MAST4: variants seen among roughly 807,000 people sequenced by gnomAD.
MAST4 encodes the protein microtubule-associated serine/threonine-protein kinase 4.
MAST4 carries 89 observed loss-of-function variants against 162.7 expected under a neutral mutation model. The observed-to-expected ratio is 0.55, with a 90% CI of 0.46 to 0.65. MAST4 has a LOEUF of 0.65. MAST4 is among the 30% of genes least tolerant of loss of function. The probability of loss-of-function intolerance (pLI) is 0.00; values close to 1 mark genes in which losing one functional copy is unlikely to be tolerated. For missense variants in MAST4, 3,153 were observed against 3,374.0 expected (o/e 0.93, Z 1.62); for synonymous variants, 1,479 against 1,361.1 (o/e 1.09, Z -1.91).
At chr5:66,693,476 G>GT (rs1436894704) in intron 1 of MAST4, among the ~76,000 whole-genome samples, 1 of 152,106 alleles carries the variant, frequency 6.6e-6, no homozygotes, top group East Asian at 1.9e-4. Context: ...TGTGTGTTTT[G>GT]TTTTCACTTC....
chr5:66,868,104 C>A (rs1760660325), intron 3 of MAST4, among the ~76,000 whole-genome samples: 1 of 152,104 alleles, frequency 6.6e-6, no homozygotes, highest in Non-Finnish European at 1.5e-5. Context: ...CTTATGAGAG[C>A]CCTGGTTGCT....
chr5:66,943,414 A>G (rs1348155257), intron 4 of MAST4, among the ~76,000 whole-genome samples: 1 of 152,136 alleles, frequency 6.6e-6, no homozygotes, highest in Admixed American at 6.6e-5. Flanking sequence ...AGGAATATTT[A>G]AAGGTGCTTC....
intron 4 of MAST4, among the ~76,000 whole-genome samples, chr5:67,041,616 C>T (rs7735834): frequency 0.24 from 36,698 of 152,020 alleles, 4,766 homozygotes; most frequent in African/African-American, 0.3. Context: ...CCACATAGCC[C>T]TCTGTGGTCA....
chr5:66,598,268 T>C (rs1344092853), intron 1 of MAST4, among the ~76,000 whole-genome samples: 1 of 152,160 alleles, frequency 6.6e-6, no homozygotes, highest in African/African-American at 2.4e-5. Flanking sequence ...GCAAGGATCC[T>C]GGATAAGGGT....
chr5:66,852,094 C>T (rs1174415821), intron 3 of MAST4, among the ~76,000 whole-genome samples: 1 of 152,130 alleles, frequency 6.6e-6, no homozygotes, highest in African/African-American at 2.4e-5. Flanking sequence ...ATGTGATAGA[C>T]ACTGTATATA....
At chr5:66,601,174 A>G (rs1742530165) in intron 1 of MAST4, among the ~76,000 whole-genome samples, 1 of 152,262 alleles carries the variant, frequency 6.6e-6, no homozygotes, top group African/African-American at 2.4e-5. Flanking sequence ...AGAATTCAGC[A>G]AAGCTTTTCA....
intron 10 of MAST4, 95 bp from the exon 11 acceptor site, chr5:67,110,003 C>T (rs1766041182): frequency 3.6e-6 from 3 of 835,698 alleles, no homozygotes; most frequent in African/African-American, 1.7e-5. Flanking sequence ...GATTTTTGAA[C>T]ATTTGCAATG....
At position 67,050,902 on chromosome 5, in the gene MAST4, G is replaced by A. The variant is rs556468569; in HGVS notation, c.675-3502G>A. 2.7e-4 allele frequency among the ~76,000 whole-genome samples: 41 copies of A among 152,280 alleles called. 1 individual carries two copies. In the South Asian group the frequency reaches 7.3e-3, roughly 27 times the overall value. On this transcript the variant is annotated intron_variant, in intron 4 of 28. Coordinates refer to ENST00000403625, the MANE Select transcript of MAST4 (RefSeq NM_001164664.2). ...TAGTCTCATGTTGGGCTTTCACGTC[G>A]GAGCATGGGCATGGTGAATGGCTTC...
intron 4 of MAST4, among the ~76,000 whole-genome samples, chr5:67,044,963 G>A (rs1201051166): frequency 1.3e-5 from 2 of 152,144 alleles, no homozygotes; most frequent in Non-Finnish European, 2.9e-5. Flanking sequence ...CACAGACTTC[G>A]TCAGCTCTTT....
intron 4 of MAST4, chr5:66,902,819 C>T (rs548209104): frequency 2.8e-4 from 108 of 380,004 alleles, no homozygotes; most frequent in Non-Finnish European, 4.7e-4. Flanking sequence ...TTCCATTCAA[C>T]GAATAGCCAT....
chr5:66,815,863 TG>T (rs950423644), intron 3 of MAST4, among the ~76,000 whole-genome samples: 23 of 151,682 alleles, frequency 1.5e-4, no homozygotes, highest in African/African-American at 5.6e-4. Context: ...CAGAGGAGAG[TG>T]GTGACAGGTT....
chr5:66,745,100 T>A (rs937713531), intron 1 of MAST4, among the ~76,000 whole-genome samples: 1 of 152,192 alleles, frequency 6.6e-6, no homozygotes, highest in Non-Finnish European at 1.5e-5. Flanking sequence ...GTGAGTAGGA[T>A]ATAATTATCC....
At chr5:66,954,737 C>A (rs551619095) in intron 4 of MAST4, among the ~76,000 whole-genome samples, 17 of 152,080 alleles carry the variant, frequency 1.1e-4, no homozygotes, top group Admixed American at 3.9e-4. Context: ...CCCATCTCTA[C>A]TGAAAATATA....
At chr5:66,723,999 G>T (rs909108507) in intron 1 of MAST4, among the ~76,000 whole-genome samples, 1 of 152,086 alleles carries the variant, frequency 6.6e-6, no homozygotes, top group African/African-American at 2.4e-5. Flanking sequence ...TATTTCTGGG[G>T]ATGGTGAGTT....
chr5:67,093,514 A>G (rs549231638), intron 6 of MAST4: 27 of 357,850 alleles, frequency 7.5e-5, no homozygotes, highest in African/African-American at 4.6e-4. Flanking sequence ...CCATTTGAGT[A>G]AATAGACACA....
In MAST4 at chr5:67,055,761, T is replaced by C. The variant is rs533710204; in HGVS notation, c.763+1269T>C. Among the ~76,000 whole-genome samples, 240 of 152,264 alleles carry C rather than the reference T, an allele frequency of 1.6e-3. 2 individuals are homozygous for C. Among genetic ancestry groups the C allele is most frequent in the African/African-American group, 5.6e-3 (231 of 41,564 alleles). On this transcript the variant is annotated intron_variant, in intron 5 of 28. Coordinates refer to ENST00000403625, the MANE Select transcript of MAST4 (RefSeq NM_001164664.2). ...TTCTAGACCACTCATAGCAGCAGCA[T>C]CTGTAATAGCTAAACATTTGAAGTA...
At chr5:66,788,607 C>CCCCCCCCTA in intron 2 of MAST4, 63 bp from the exon 3 acceptor site, 1 of 1,373,728 alleles carries the variant, frequency 7.3e-7, no homozygotes. Flanking sequence ...CCCCCACCCC[C>CCCCCCCCTA]ATTGCAATAA....
intron 1 of MAST4, among the ~76,000 whole-genome samples, chr5:66,657,419 C>A (rs1201613352): frequency 1.3e-5 from 2 of 152,152 alleles, no homozygotes; most frequent in Non-Finnish European, 2.9e-5. Context: ...TAATTGTATC[C>A]TCATGGAATA....
chr5:67,041,280 A>G (rs757823537), intron 4 of MAST4, among the ~76,000 whole-genome samples: 2 of 152,122 alleles, frequency 1.3e-5, no homozygotes, highest in Non-Finnish European at 2.9e-5. Context: ...TTGAGTGGAT[A>G]CTTTGAACTT....
Sources: allele counts gnomAD v4.1 joint callset (sites outside exome capture counted in the v4.1 genomes callset), GRCh38; gene constraint gnomAD v4.1.1; transcripts MANE v1.5; gene names NCBI Gene and HGNC (gene_info 2026-07-23, HGNC 2026-07-21).